The following SDS variants were observed in gnomAD, a reference collection of about 807,000 sequenced individuals.
SDS encodes L-serine dehydratase/L-threonine deaminase.
Under a neutral mutation model 29.3 loss-of-function variants are expected in SDS, and 19 were observed. That is an observed-to-expected ratio of 0.65 (90% confidence interval 0.45 to 0.95). SDS has a LOEUF of 0.95. Ranked by LOEUF, SDS falls within the 40% of genes least tolerant of loss-of-function variation. The probability of loss-of-function intolerance (pLI) is 0.00; values close to 1 mark genes in which losing one functional copy is unlikely to be tolerated. For missense variants in SDS, 375 were observed against 439.9 expected (o/e 0.85, Z 1.32); for synonymous variants, 176 against 189.0 (o/e 0.93, Z 0.56).
intron 6 of SDS, among the ~76,000 whole-genome samples, chr12:113,394,648 G>A (rs1366551963): frequency 1.8e-4 from 27 of 152,118 alleles, no homozygotes; most frequent in Admixed American, 1.7e-3. Flanking sequence ...CCCCAGGCTG[G>A]TCTTGAACTC....
In SDS at chr12:113,393,822, G is replaced by A. The variant is rs886627722; in HGVS notation, c.778+70C>T. 1.1e-5 allele frequency: 17 copies of A among 1,602,642 alleles called. No individual in the cohort carries two copies. The South Asian group carries it at 1.4e-4, about 14-fold the overall frequency. Reference sequence around the variant, plus strand: ...ACTTGGGGTGAGTGGGATCCCCAGTGGCATACCAAGTGGACAGCCACTTAG... The same window carrying A: ...ACTTGGGGTGAGTGGGATCCCCAGTAGCATACCAAGTGGACAGCCACTTAG... On this transcript the variant is annotated intron_variant, in intron 7 of 7. Coordinates refer to ENST00000257549, the MANE Select transcript of SDS (RefSeq NM_006843.3).
At position 113,392,609 on chromosome 12, in the gene SDS, C is replaced by G; in HGVS notation, c.*332G>C. The G allele has an allele frequency of 3.2e-6, 1 of 309,728 alleles. No individual in the cohort carries two copies. The allele number at this position is 309,728 out of a possible 1,614,324, so 19.2% of individuals were successfully genotyped here. A position where few individuals can be genotyped will look rare whatever the true frequency, so the allele number is the denominator to read the frequency against. ...GGGAACAAGTTCAGGGGCGAGGTCA[C>G]AGCTTTGAGGAATTCCTCACTGCTG... On this transcript the variant is annotated 3_prime_UTR_variant, in exon 8 of 8. Coordinates refer to ENST00000257549, the MANE Select transcript of SDS (RefSeq NM_006843.3).
intron 1 of SDS, among the ~76,000 whole-genome samples, chr12:113,403,085 A>G (rs1957694457): frequency 6.6e-6 from 1 of 152,180 alleles, no homozygotes; most frequent in Admixed American, 6.5e-5. Context: ...GTGGAAGCTG[A>G]GGCACAGAAC....
At chr12:113,396,691 A>C (rs1957649380) in intron 6 of SDS, 2 of 157,530 alleles carry the variant, frequency 1.3e-5, no homozygotes, top group Admixed American at 1.2e-4. Flanking sequence ...GCTGGAGTGC[A>C]CTGGCATGAT....
At chr12:113,397,790 G>A (rs1405897022) in intron 5 of SDS, among the ~76,000 whole-genome samples, 1 of 152,024 alleles carries the variant, frequency 6.6e-6, no homozygotes, top group Non-Finnish European at 1.5e-5. Context: ...ATTTTGGACT[G>A]GATGATAGAA....
At chr12:113,401,724 C>A (rs1203290854) in intron 1 of SDS, among the ~76,000 whole-genome samples, 1 of 152,164 alleles carries the variant, frequency 6.6e-6, no homozygotes, top group Admixed American at 6.6e-5. Context: ...TCTGGATGGG[C>A]TCTGGGGGAT....
At chr12:113,400,957 T>G (rs1222031101) in intron 1 of SDS, among the ~76,000 whole-genome samples, 1 of 151,990 alleles carries the variant, frequency 6.6e-6, no homozygotes. Flanking sequence ...ATCGAGACCA[T>G]CCTGGCTAAC....
In SDS at chr12:113,392,721, T is replaced by G. The variant is rs1957618370; in HGVS notation, c.*220A>C. On this transcript the variant is annotated 3_prime_UTR_variant, in exon 8 of 8. Coordinates refer to ENST00000257549, the MANE Select transcript of SDS (RefSeq NM_006843.3). ...GTCACGCCAGCAAGTTGGCTAAGGA[T>G]GGGCACAGAGCAGTCACACAGATAC... The G allele has an allele frequency of 3.5e-6, 2 of 564,956 alleles. No homozygotes were observed. Among genetic ancestry groups the G allele is most frequent in the Admixed American group, 3.4e-5 (1 of 29,232 alleles). The allele number at this position is 564,956 out of a possible 1,614,324, so 35.0% of individuals were successfully genotyped here.
chr12:113,399,027 G>T, intron 3 of SDS, 85 bp downstream of exon 3: 1 of 1,583,648 alleles, frequency 6.3e-7, no homozygotes, highest in South Asian at 1.1e-5. Flanking sequence ...GTGGCACATT[G>T]CTGGGGAAAC....
Position 113,393,140 on chromosome 12 carries a change from T to A in SDS, c.788A>T (p.Lys263Met). 1 of 1,613,794 alleles carries A rather than the reference T, an allele frequency of 6.2e-7. No homozygotes were observed. Among genetic ancestry groups the A allele is most frequent in the Non-Finnish European group, 8.5e-7 (1 of 1,179,978 alleles). Reference sequence around the variant, plus strand: ...CCCGCAGGCGGGCTCCACCAGGATCTTCTCATCATCTGCCAGAGAAGGGGC... The same window carrying A: ...CCCGCAGGCGGGCTCCACCAGGATCATCTCATCATCTGCCAGAGAAGGGGC... ...AAIEKFVDDE[K>M]ILVEPACGAA... The change falls in exon 8 of 8, where the codon AAG (lysine) becomes ATG (methionine). Residue 263 changes from lysine (K) to methionine (M), a missense_variant. Physicochemically the swap from Lys to Met is moderately conservative, Grantham distance 95. Coordinates refer to ENST00000257549, the MANE Select transcript of SDS (RefSeq NM_006843.3).
chr12:113,401,253 T>TA (rs778436716), intron 1 of SDS, among the ~76,000 whole-genome samples: 9 of 151,312 alleles, frequency 5.9e-5, no homozygotes, highest in South Asian at 2.1e-4. Flanking sequence ...AATATTTATT[T>TA]AAAAAAAAAC....
chr12:113,401,699 G>A (rs1565870888), intron 1 of SDS, among the ~76,000 whole-genome samples: 1 of 152,178 alleles, frequency 6.6e-6, no homozygotes, highest in African/African-American at 2.4e-5. Context: ...CATGGGTGTG[G>A]CTCAGGCTCC....
At chr12:113,396,839 A>G (rs1565869501) in intron 6 of SDS, 6 of 399,136 alleles carry the variant, frequency 1.5e-5, no homozygotes, top group East Asian at 4.3e-5. Flanking sequence ...GAATCTCTCT[A>G]TGTTGCTCAG....
At chr12:113,403,301 C>CT (rs1395698607) in intron 1 of SDS, among the ~76,000 whole-genome samples, 2 of 151,976 alleles carry the variant, frequency 1.3e-5, no homozygotes, top group South Asian at 2.1e-4. Context: ...TAATTAAATT[C>CT]TTTTTTTAGG....
intron 5 of SDS, 79 bp from the exon 6 acceptor site, chr12:113,397,471 C>A (rs990364658): frequency 2.2e-5 from 26 of 1,200,908 alleles, no homozygotes; most frequent in Non-Finnish European, 2.9e-5. Context: ...CCGGCCTTAT[C>A]CCAGCTGATG....
chr12:113,395,357 C>T (rs1957638303), intron 6 of SDS, among the ~76,000 whole-genome samples: 1 of 152,200 alleles, frequency 6.6e-6, no homozygotes, highest in South Asian at 2.1e-4. Flanking sequence ...GTGTGGGACA[C>T]AGCAGCTCCA....
In SDS at chr12:113,402,726, G is replaced by A. The variant is rs182520257; in HGVS notation, c.-3+1042C>T. Among the ~76,000 whole-genome samples the A allele has an allele frequency of 1.4e-3, 219 of 152,290 alleles. 1 individual carries two copies. The highest frequency in any genetic ancestry group is 4.8e-3 in the African/African-American group (198 of 41,554). On this transcript the variant is annotated intron_variant, in intron 1 of 7. Coordinates refer to ENST00000257549, the MANE Select transcript of SDS (RefSeq NM_006843.3). ...GCCTCTCTCGCCGTTTGTCCCAGGCGGTGCCATGGGATGCCTTCAGGTAAA... is the reference window on the plus strand; with the variant it reads ...GCCTCTCTCGCCGTTTGTCCCAGGCAGTGCCATGGGATGCCTTCAGGTAAA...
chr12:113,400,929 G>A (rs1015174972), intron 1 of SDS, among the ~76,000 whole-genome samples: 1 of 152,060 alleles, frequency 6.6e-6, no homozygotes, highest in Non-Finnish European at 1.5e-5. Context: ...CGAAGCGGGC[G>A]GATCACGAGG....
At chr12:113,399,077 C>T (rs1378054479) in intron 3 of SDS, 35 bp downstream of exon 3, 64 of 1,612,830 alleles carry the variant, frequency 4.0e-5, no homozygotes, top group Non-Finnish European at 5.3e-5. Context: ...CCAGGACACA[C>T]AGCAGAGGAC....
Sources: gnomAD v4.1 joint callset for allele counts (sites outside exome capture counted in the v4.1 genomes callset) on GRCh38, gnomAD v4.1.1 for gene constraint, MANE v1.5 for transcripts, NCBI Gene and HGNC (gene_info 2026-07-23, HGNC 2026-07-21) for gene names.